CCR9: variants seen among roughly 807,000 people sequenced by gnomAD.
CCR9 encodes C-C motif chemokine receptor 9.
A neutral mutation model predicts 8.7 loss-of-function variants in CCR9; 4 were observed. The observed-to-expected ratio is 0.46, with a 90% CI of 0.23 to 1.06. The LOEUF (loss-of-function observed/expected upper bound fraction) is 1.06. CCR9 is among the 50% of genes least tolerant of loss of function. The pLI, the probability that CCR9 is intolerant of heterozygous loss-of-function variation, is 0.21. For missense variants in CCR9, 394 were observed against 453.6 expected (o/e 0.87, Z 1.19); for synonymous variants, 159 against 168.8 (o/e 0.94, Z 0.45).
intron 1 of CCR9, among the ~76,000 whole-genome samples, chr3:45,890,129 C>T (rs1406571296): frequency 6.7e-6 from 1 of 149,200 alleles, no homozygotes; most frequent in Admixed American, 6.9e-5. Context: ...CTGTCACTCA[C>T]TATAACAAAG....
chr3:45,898,154 C>T (rs1702428215), intron 2 of CCR9, among the ~76,000 whole-genome samples: 1 of 152,178 alleles, frequency 6.6e-6, no homozygotes, highest in South Asian at 2.1e-4. Flanking sequence ...CTTAAACCTG[C>T]TGTGATGTCC....
rs1289998521 is a variant in CCR9, at chr3:45,901,411, C to T, written c.623C>T (p.Thr208Ile). 1 of 1,614,160 alleles carries T rather than the reference C, an allele frequency of 6.2e-7. No homozygotes were observed. The highest frequency in any genetic ancestry group is 8.5e-7 in the Non-Finnish European group (1 of 1,180,018). ...ATGGTTTACCCTAGCGATGAGAGCACCAAACTGAAGTCAGCTGTCTTGACC... is the reference window on the plus strand; with the variant it reads ...ATGGTTTACCCTAGCGATGAGAGCATCAAACTGAAGTCAGCTGTCTTGACC... ...CTMVYPSDES[T>I]KLKSAVLTLK... The change falls in exon 3 of 3, where the codon ACC becomes ATC. Residue 208 changes from threonine to isoleucine, a missense_variant. Coordinates refer to ENST00000357632, the MANE Select transcript of CCR9 (RefSeq NM_031200.3). The surrounding 1 kb of genome is among the most constrained non-coding windows in gnomAD (Gnocchi z 4.3).
At chr3:45,896,682 C>T (rs1702367144) in intron 2 of CCR9, among the ~76,000 whole-genome samples, 1 of 152,184 alleles carries the variant, frequency 6.6e-6, no homozygotes, top group African/African-American at 2.4e-5. Flanking sequence ...ATCCAGGTCT[C>T]AATGTTGGGA....
upstream of CCR9, among the ~76,000 whole-genome samples, chr3:45,886,138 C>A (rs1467724633): frequency 6.6e-6 from 1 of 152,158 alleles, no homozygotes; most frequent in Non-Finnish European, 1.5e-5. Context: ...AGGTATGTTG[C>A]GATGGATAGT....
At position 45,902,097 on chromosome 3, in the gene CCR9, T is replaced by C. The variant is rs1299538806; in HGVS notation, c.*199T>C. On this transcript the variant is annotated 3_prime_UTR_variant, in exon 3 of 3. Transcript: ENST00000357632. ...ACTGACTAGTGCAGGAGGCTGTTGA[T>C]TGGCTCTTGACTGTGATGCCCGCAA... 1.3e-5 allele frequency: 7 copies of C among 548,928 alleles called. No homozygotes were observed. In the East Asian group the frequency reaches 1.5e-4, roughly 12 times the overall value. The allele number at this position is 548,928 out of a possible 1,614,324, so 34.0% of individuals were successfully genotyped here. A position where few individuals can be genotyped will look rare whatever the true frequency, so the allele number is the denominator to read the frequency against.
chr3:45,891,239 A>G (rs766181546), intron 1 of CCR9, among the ~76,000 whole-genome samples: 1 of 152,254 alleles, frequency 6.6e-6, no homozygotes, highest in Admixed American at 6.5e-5. Flanking sequence ...TTTCAGACAC[A>G]GTCCTGTTCC....
chr3:45,896,668 T>C (rs913217161), intron 2 of CCR9, among the ~76,000 whole-genome samples: 2 of 152,262 alleles, frequency 1.3e-5, no homozygotes, highest in African/African-American at 2.4e-5. Context: ...GTCAAAGCAC[T>C]GAAATCCAGG....
In CCR9 at chr3:45,900,762, C is replaced by T; in HGVS notation, c.22-48C>T. The T allele has an allele frequency of 6.4e-7, 1 of 1,562,256 alleles. No homozygotes were observed. The highest frequency in any genetic ancestry group is 8.7e-7 in the Non-Finnish European group (1 of 1,153,822). ...CCATGCCTCTGCCATCAGACAGGAC[C>T]TTCAAAATATTTTCCTTGACCTAAT... On this transcript the variant is annotated intron_variant, in intron 2 of 2. Coordinates refer to ENST00000357632, the MANE Select transcript of CCR9 (RefSeq NM_031200.3). The surrounding 1 kb of genome is among the most constrained non-coding windows in gnomAD (Gnocchi z 4.7).
chr3:45,887,650 C>G (rs1007166162), intron 1 of CCR9, among the ~76,000 whole-genome samples: 1 of 152,238 alleles, frequency 6.6e-6, no homozygotes, highest in African/African-American at 2.4e-5. Flanking sequence ...CGAGCAAAAG[C>G]TAATTTACTA....
rs1702575287 is a variant in CCR9, at chr3:45,901,966, A to C, written c.*68A>C. On this transcript the variant is annotated 3_prime_UTR_variant, in exon 3 of 3. Coordinates refer to ENST00000357632, the MANE Select transcript of CCR9 (RefSeq NM_031200.3). The surrounding 1 kb of genome is among the most constrained non-coding windows in gnomAD (Gnocchi z 4.3). ...AAATACAGAAACAGTTTCCCCACTG[A>C]TGGGACCAGAGAGAGTGAAAGAGAA... The C allele has an allele frequency of 5.5e-6, 7 of 1,278,046 alleles. No individual in the cohort carries two copies. In the South Asian group the frequency reaches 7.3e-5, roughly 13 times the overall value. The allele number at this position is 1,278,046 out of a possible 1,614,324, so 79.2% of individuals were successfully genotyped here.
intron 2 of CCR9, among the ~76,000 whole-genome samples, chr3:45,895,625 A>T (rs9823523): frequency 0.098 from 14,978 of 152,094 alleles, 764 homozygotes; most frequent in Middle Eastern, 0.12. Context: ...GAGGCACGAG[A>T]GTCGCTTGAG....
At position 45,902,020 on chromosome 3, in the gene CCR9, A is replaced by G. The variant is rs1702576571; in HGVS notation, c.*122A>G. 1 of 817,748 alleles carries G rather than the reference A, an allele frequency of 1.2e-6. No homozygotes were observed. The highest frequency in any genetic ancestry group is 1.9e-6 in the Non-Finnish European group (1 of 525,672). 50.7% of individuals were successfully genotyped at this position (817,748 alleles called of 1,614,324 possible). On this transcript the variant is annotated 3_prime_UTR_variant, in exon 3 of 3. Transcript: ENST00000357632. ...AAAACTCAGAAAGGGATGAATCTGA[A>G]CTATATGATTACTTGTAGTCAGAAT...
rs1170047031 is a variant in CCR9, at chr3:45,901,696, A to G, written c.908A>G (p.Gln303Arg). 2 of 1,614,148 alleles carry G rather than the reference A, an allele frequency of 1.2e-6. No homozygotes were observed. Among genetic ancestry groups the G allele is most frequent in the Admixed American group, 3.3e-5 (2 of 60,032 alleles). ...ATTGACATCTGCTTCCAGGTCACCC[A>G]GACCATCGCCTTCTTCCACAGTTGC... ...TNIDICFQVT[Q>R]TIAFFHSCLN... is the part of the protein sequence containing the mutation. The change falls in exon 3 of 3, where the codon CAG becomes CGG. Residue 303 changes from glutamine (Q) to arginine (R), a missense_variant. Gln to Arg is a conservative substitution (Grantham distance 43). Coordinates refer to ENST00000357632, the MANE Select transcript of CCR9 (RefSeq NM_031200.3). The surrounding 1 kb of genome is among the most constrained non-coding windows in gnomAD (Gnocchi z 4.3).
intron 1 of CCR9, among the ~76,000 whole-genome samples, chr3:45,890,324 A>T (rs1163527899): frequency 1.2e-5 from 1 of 83,094 alleles, no homozygotes; most frequent in African/African-American, 6.1e-5. Flanking sequence ...TATTTATATA[A>T]ATATATATAT....
Position 45,901,895 on chromosome 3 carries a change from C to T in CCR9, c.1107C>T (p.Leu369=). 1.1e-5 allele frequency: 18 copies of T among 1,585,952 alleles called. No individual in the cohort carries two copies. Among genetic ancestry groups the T allele is most frequent in the Non-Finnish European group, 1.5e-5 (18 of 1,163,678 alleles). ...AGACAACCTCAGGAGCACTCTCCCT[C>T]TGAGGGGTCTTCTCTGAGGTGCATG... ...LLETTSGALS[L] is the part of the protein sequence containing the mutation. Residue 369 remains leucine, a synonymous_variant, in exon 3 of 3, where the codon CTC becomes CTT. Coordinates refer to ENST00000357632, the MANE Select transcript of CCR9 (RefSeq NM_031200.3). This position sits in a 1 kb window ranked among gnomAD's most constrained non-coding sequence, Gnocchi z 4.3.
In CCR9 at chr3:45,901,524, A is replaced by C; in HGVS notation, c.736A>C (p.Lys246Gln). ...IIIHTLIQAK[K>Q]SSKHKALKVT... ...CATTCACACCCTGATACAAGCCAAG[A>C]AGTCTTCCAAGCACAAAGCCCTAAA... The change falls in exon 3 of 3, where the codon AAG (lysine) becomes CAG (glutamine). Residue 246 changes from lysine (K) to glutamine (Q), a missense_variant. Transcript: ENST00000357632. The surrounding 1 kb of genome is among the most constrained non-coding windows in gnomAD (Gnocchi z 4.3). 6.2e-7 allele frequency: 1 copy of C among 1,614,126 alleles called. No homozygotes were observed. The highest frequency in any genetic ancestry group is 8.5e-7 in the Non-Finnish European group (1 of 1,180,018).
In CCR9 at chr3:45,901,302, A is replaced by T; in HGVS notation, c.514A>T (p.Ile172Phe). Residue 172 changes from isoleucine (I) to phenylalanine (F), a missense_variant, in exon 3 of 3, where the codon ATC becomes TTC. Transcript: ENST00000357632. This position sits in a 1 kb window ranked among gnomAD's most constrained non-coding sequence, Gnocchi z 4.3. ...LLYSKMVCFT[I>F]WVLAAALCIP... is the part of the protein sequence containing the mutation. Reference sequence around the variant, plus strand: ...GTACAGCAAAATGGTTTGCTTTACCATCTGGGTATTGGCAGCTGCTCTCTG... The same window carrying T: ...GTACAGCAAAATGGTTTGCTTTACCTTCTGGGTATTGGCAGCTGCTCTCTG... 6.2e-7 allele frequency: 1 copy of T among 1,614,222 alleles called. No homozygotes were observed. Among genetic ancestry groups the T allele is most frequent in the Non-Finnish European group, 8.5e-7 (1 of 1,180,038 alleles).
chr3:45,890,269 A>ATATATTTATAT (rs1466215987), intron 1 of CCR9, among the ~76,000 whole-genome samples: 2 of 10,420 alleles, frequency 1.9e-4, no homozygotes, highest in African/African-American at 4.4e-4. Context: ...ATATATATAT[A>ATATATTTATAT]ACATATATAT....
At chr3:45,889,306 A>T (rs1317506267) in intron 1 of CCR9, among the ~76,000 whole-genome samples, 6 of 123,238 alleles carry the variant, frequency 4.9e-5, no homozygotes, top group African/African-American at 1.6e-4. Flanking sequence ...ATTACCTTTA[A>T]AAAAAAAAAT....
Sources: gnomAD v4.1 joint callset for allele counts (sites outside exome capture counted in the v4.1 genomes callset) on GRCh38, gnomAD v4.1.1 for gene constraint, Gnocchi (gnomAD v3.1) non-coding constraint, MANE v1.5 for transcripts, NCBI Gene and HGNC (gene_info 2026-07-23, HGNC 2026-07-21) for gene names.